PSG8: variants seen among roughly 807,000 people sequenced by gnomAD.
PSG8 encodes the protein pregnancy specific beta-1-glycoprotein 8, also known as pregnancy-specific beta-1-glycoprotein 8.
Under a neutral mutation model 42.5 loss-of-function variants are expected in PSG8, and 57 were observed. The observed-to-expected ratio is 1.34, with a 90% CI of 1.08 to 1.67. The LOEUF (loss-of-function observed/expected upper bound fraction) is 1.67. Ranked by LOEUF, PSG8 falls within the 40% of genes most tolerant of loss-of-function variation. PSG8 has a pLI of 0.00. For synonymous variants in PSG8, 280 were observed against 196.8 expected, an observed-to-expected ratio of 1.42 and a Z score of -3.54; for missense variants, 783 against 518.6, an observed-to-expected ratio of 1.51 and a Z score of -4.95.
At position 42,760,653 on chromosome 19, in the gene PSG8, T is replaced by G. The variant is rs537440439; in HGVS notation, c.431-2373A>C. ...GCTGGAGTGCAGTGGCATGATCTCA[T>G]CTCACTGCAAGCTCTGCCTCCTAGG... On this transcript the variant is annotated intron_variant, in intron 2 of 4. Transcript: ENST00000306511. Among the ~76,000 whole-genome samples, 16 of 151,998 alleles carry G rather than the reference T, an allele frequency of 1.1e-4. No homozygotes were observed. In the East Asian group the frequency reaches 1.4e-3, roughly 13 times the overall value.
intron 2 of PSG8, chr19:42,759,082 G>A (rs1031568416): frequency 2.0e-5 from 3 of 152,112 alleles, no homozygotes; most frequent in Non-Finnish European, 2.9e-5. Context: ...ACATGTGGAT[G>A]TTTGCAAATG....
rs1217784155 is a variant in PSG8 at position 42,758,070 on chromosome 19, G to C, written c.641C>G (p.Pro214Arg). The change falls in exon 3 of 5, where the codon CCC becomes CGC. Residue 214 changes from proline (P) to arginine (R), a missense_variant. Pro to Arg is a moderately radical substitution (Grantham distance 103). Transcript: ENST00000306511. ...TGGGTTCCGTATTTCACATTCATAG[G>C]GTCCTGCAGTGTACTTTGTGACACC... ...LLGVTKYTAG[P>R]YECEIRNPVS... The C allele has an allele frequency of 6.2e-7, 1 of 1,613,888 alleles. No individual in the cohort carries two copies. Among genetic ancestry groups the C allele is most frequent in the Non-Finnish European group, 8.5e-7 (1 of 1,179,958 alleles).
intron 2 of PSG8, 78 bp from the exon 3 acceptor site, chr19:42,758,358 C>T: frequency 6.4e-7 from 1 of 1,559,060 alleles, no homozygotes; most frequent in Non-Finnish European, 8.7e-7. Flanking sequence ...TCAGAGTTGG[C>T]ATTTCCCACC....
intron 4 of PSG8, 32 bp downstream of exon 4, chr19:42,754,956 T>G: frequency 6.3e-7 from 1 of 1,585,996 alleles, no homozygotes. Flanking sequence ...TAAGCTGGTG[T>G]CCTGGCCCAC....
chr19:42,752,866 C>T, downstream of PSG8: 1 of 217,600 alleles, frequency 4.6e-6, no homozygotes, highest in East Asian at 1.0e-4. Flanking sequence ...AACACACGGG[C>T]AATATCTCTG....
chr19:42,754,605 A>C lies in PSG8; in HGVS notation c.989-18T>G. The C allele has an allele frequency of 6.2e-7, 1 of 1,604,958 alleles. No individual in the cohort carries two copies. The highest frequency in any genetic ancestry group is 1.3e-5 in the African/African-American group (1 of 74,650). On this transcript the variant is annotated intron_variant, in intron 4 of 4. Transcript: ENST00000306511. Reference sequence around the variant, plus strand: ...TGGACCATCTGGAGCAAAGAGAATAAAGCCACAGGTGATGTCATCTGAGGG... The same window carrying C: ...TGGACCATCTGGAGCAAAGAGAATACAGCCACAGGTGATGTCATCTGAGGG...
In PSG8 at chr19:42,759,763, G is replaced by A. The variant is rs974055275; in HGVS notation, c.431-1483C>T. ...GGAGGAAACATTAAAATGTTTTCAT[G>A]AGTGGAAATTTTTACTGATGGTCCA... On this transcript the variant is annotated intron_variant, in intron 2 of 4. Transcript: ENST00000306511. 3.9e-5 allele frequency among the ~76,000 whole-genome samples: 6 copies of A among 152,286 alleles called. No individual in the cohort carries two copies. In the East Asian group the frequency reaches 5.8e-4, roughly 15 times the overall value.
At chr19:42,763,345 G>A (rs937136776) in intron 2 of PSG8, among the ~76,000 whole-genome samples, 1 of 152,080 alleles carries the variant, frequency 6.6e-6, no homozygotes, top group Non-Finnish European at 1.5e-5. Flanking sequence ...AGAAAACTCT[G>A]TCCTTGCCCA....
chr19:42,760,846 G>T (rs1292970004), intron 2 of PSG8, among the ~76,000 whole-genome samples: 2 of 152,144 alleles, frequency 1.3e-5, no homozygotes, highest in African/African-American at 4.8e-5. Context: ...GAAAGTGCTG[G>T]TATTGTAGGT....
chr19:42,757,943 C>A (rs1257433700), intron 3 of PSG8, 59 bp downstream of exon 3: 36 of 1,613,746 alleles, frequency 2.2e-5, no homozygotes, highest in Non-Finnish European at 3.0e-5. Context: ...GAGGCCTGGT[C>A]TCTGGCCACG....
intron 2 of PSG8, among the ~76,000 whole-genome samples, chr19:42,759,783 G>C (rs918491711): frequency 6.6e-5 from 10 of 152,140 alleles, no homozygotes; most frequent in Non-Finnish European, 1.5e-4. Context: ...TTTTACTGAT[G>C]GTCCAAACAT....
At chr19:42,754,666 G>T in intron 4 of PSG8, 79 bp from the exon 5 acceptor site, 2 of 1,503,124 alleles carry the variant, frequency 1.3e-6, no homozygotes, top group South Asian at 2.6e-5. Flanking sequence ...GGGACACAGT[G>T]ACCCTCTGAG....
chr19:42,759,762 T>C (rs1970027446), intron 2 of PSG8, among the ~76,000 whole-genome samples: 1 of 152,164 alleles, frequency 6.6e-6, no homozygotes, highest in Non-Finnish European at 1.5e-5. Flanking sequence ...AATGTTTTCA[T>C]GAGTGGAAAT....
At chr19:42,762,673 A>C (rs1318469348) in intron 2 of PSG8, among the ~76,000 whole-genome samples, 1 of 151,954 alleles carries the variant, frequency 6.6e-6, no homozygotes, top group African/African-American at 2.4e-5. Flanking sequence ...TGGGAAACAC[A>C]GGATTTCAGG....
intron 1 of PSG8, 125 bp downstream of exon 1, chr19:42,765,393 C>G: frequency 6.9e-7 from 1 of 1,445,312 alleles, no homozygotes; most frequent in Non-Finnish European, 9.5e-7. Context: ...ATCTCATGAT[C>G]CACCTGCCTC....
In PSG8 at chr19:42,754,336, A is replaced by C; in HGVS notation, c.1240T>G (p.Ser414Ala). 6.2e-7 allele frequency: 1 copy of C among 1,613,782 alleles called. No homozygotes were observed. The highest frequency in any genetic ancestry group is 8.5e-7 in the Non-Finnish European group (1 of 1,179,780). The change falls in exon 5 of 5, where the codon TCT becomes GCT. Residue 414 changes from serine (S) to alanine (A), a missense_variant. Ser to Ala is a moderately conservative substitution (Grantham distance 99). Transcript: ENST00000306511. ...AAGGATACTGGGATCCGCTTACCAGAGACTTTTACTGTCATGGATTTGGAG... is the reference window on the plus strand; with the variant it reads ...AAGGATACTGGGATCCGCTTACCAGCGACTTTTACTGTCATGGATTTGGAG... ...ESSKSMTVKV[S>A]GKRIPVSLAI...
intron 3 of PSG8, 144 bp downstream of exon 3, chr19:42,757,858 C>T (rs1969966182): frequency 6.3e-7 from 1 of 1,578,552 alleles, no homozygotes; most frequent in Admixed American, 1.7e-5. Flanking sequence ...CTCTGGTTTG[C>T]CTGGGGCAGA....
At chr19:42,764,740 A>G (rs1970172744) in intron 1 of PSG8, among the ~76,000 whole-genome samples, 1 of 151,830 alleles carries the variant, frequency 6.6e-6, no homozygotes, top group African/African-American at 2.4e-5. Context: ...ATCTCTTTGC[A>G]TGTCTGTCTT....
At position 42,754,419 on chromosome 19, in the gene PSG8, G is replaced by C; in HGVS notation, c.1157C>G (p.Thr386Arg). 2 of 1,613,848 alleles carry C rather than the reference G, an allele frequency of 1.2e-6. No individual in the cohort carries two copies. Among genetic ancestry groups the C allele is most frequent in the Non-Finnish European group, 1.7e-6 (2 of 1,179,804 alleles). The stretch of plus-strand genomic sequence containing the variant: ...GCAAGCATAGAGCCCGCTATGCTTT[G>C]TAGTAATTTGGGGGATAAAGAGCTT... Reference protein sequence around the residue: ...GQKLFIPQITTKHSGLYACSV... With the variant: ...GQKLFIPQITRKHSGLYACSV... Residue 386 changes from threonine (T) to arginine (R), a missense_variant, in exon 5 of 5, where the codon ACA (threonine) becomes AGA (arginine). Thr to Arg is a moderately conservative substitution (Grantham distance 71). Transcript: ENST00000306511.
Sources: gnomAD v4.1 joint callset for allele counts (sites outside exome capture counted in the v4.1 genomes callset) on GRCh38, gnomAD v4.1.1 for gene constraint, MANE v1.5 for transcripts, NCBI Gene and HGNC (gene_info 2026-07-23, HGNC 2026-07-21) for gene names.